The following METAP2 variants were observed in gnomAD, a reference collection of about 807,000 sequenced individuals.
The protein encoded by METAP2 is methionyl aminopeptidase 2, also known as methionine aminopeptidase 2.
A neutral mutation model predicts 59.4 loss-of-function variants in METAP2; 25 were observed. That is an observed-to-expected ratio of 0.42 (90% CI 0.31 to 0.59). The LOEUF is 0.59. Ranked by LOEUF, METAP2 falls within the 20% of genes least tolerant of loss-of-function variation. METAP2 has a pLI of 0.16. For missense variants in METAP2, 366 were observed against 581.2 expected (o/e 0.63, Z 3.81); for synonymous variants, 214 against 194.1 (o/e 1.10, Z -0.85).
At chr12:95,488,121 A>G (rs2076210952) in intron 4 of METAP2, among the ~76,000 whole-genome samples, 2 of 152,156 alleles carry the variant, frequency 1.3e-5, no homozygotes, top group Admixed American at 1.3e-4. Context: ...GATTTCGAGC[A>G]TCTTTTGATC....
intron 7 of METAP2, 114 bp from the exon 8 acceptor site, chr12:95,503,951 T>C (rs1372719929): frequency 2.8e-6 from 2 of 702,622 alleles, no homozygotes; most frequent in Non-Finnish European, 4.9e-6. Context: ...AACAGGAAGT[T>C]ACAATGTACA....
At chr12:95,477,516 T>G (rs900581777) in intron 2 of METAP2, among the ~76,000 whole-genome samples, 1 of 152,186 alleles carries the variant, frequency 6.6e-6, no homozygotes, top group Non-Finnish European at 1.5e-5. Context: ...TACAATAAGA[T>G]TTTTTTAAAG....
At chr12:95,485,818 C>CT in intron 3 of METAP2, 61 bp from the exon 4 acceptor site, 3 of 1,153,024 alleles carry the variant, frequency 2.6e-6, no homozygotes, top group Non-Finnish European at 3.6e-6. Flanking sequence ...TGAGAAAACT[C>CT]TAATAACTGC....
intron 2 of METAP2, among the ~76,000 whole-genome samples, chr12:95,481,276 T>C (rs1485557543): frequency 6.6e-6 from 1 of 152,096 alleles, no homozygotes; most frequent in Non-Finnish European, 1.5e-5. Context: ...CCAGGTATAG[T>C]GGTGCGTGCC....
intron 7 of METAP2, among the ~76,000 whole-genome samples, chr12:95,500,188 TG>T (rs1358372575): frequency 6.6e-6 from 1 of 152,214 alleles, no homozygotes; most frequent in African/African-American, 2.4e-5. Context: ...GAATTGTTTT[TG>T]TAATTTCCTT....
chr12:95,486,580 C>T (rs1220865863), intron 4 of METAP2, among the ~76,000 whole-genome samples: 1 of 151,962 alleles, frequency 6.6e-6, no homozygotes, highest in Non-Finnish European at 1.5e-5. Context: ...TCACTGCAAC[C>T]TCTGCCTCCC....
rs301039 is a variant in METAP2 at position 95,483,859 on chromosome 12, C to G, written c.325+579C>G. 5.5e-3 allele frequency among the ~76,000 whole-genome samples: 833 copies of G among 152,156 alleles called. 6 individuals are homozygous for G. Among genetic ancestry groups the G allele is most frequent in the Non-Finnish European group, 8.2e-3 (559 of 68,012 alleles). ...CTTCCAGCTTTTAAATTATGAGATT[C>G]TTGATGAGTATTTAATGAGGAATCC... On this transcript the variant is annotated intron_variant, in intron 3 of 10. Coordinates refer to ENST00000323666, the MANE Select transcript of METAP2 (RefSeq NM_006838.4).
At position 95,494,234 on chromosome 12, in the gene METAP2, T is replaced by C; in HGVS notation, c.590+17T>C. ...AGAAATCTGGTAAAAGGAATACTTC[T>C]TCGTAAGAACATGATAAAAAATGTT... On this transcript the variant is annotated intron_variant, in intron 5 of 10. Transcript: ENST00000323666. The C allele has an allele frequency of 2.5e-6, 4 of 1,604,116 alleles. No homozygotes were observed. The highest frequency in any genetic ancestry group is 3.4e-6 in the Non-Finnish European group (4 of 1,173,686).
intron 4 of METAP2, among the ~76,000 whole-genome samples, chr12:95,488,980 G>C (rs1337609584): frequency 6.6e-6 from 1 of 151,950 alleles, no homozygotes; most frequent in Non-Finnish European, 1.5e-5. Flanking sequence ...TTATCACCTT[G>C]TCTTATCCAA....
At chr12:95,483,046 G>A (rs770043468) in intron 2 of METAP2, among the ~76,000 whole-genome samples, 169 bp from the exon 3 acceptor site, 1 of 152,162 alleles carries the variant, frequency 6.6e-6, no homozygotes, top group Non-Finnish European at 1.5e-5. Context: ...ACCACACCTG[G>A]TAGCTGCTTC....
chr12:95,491,700 C>A (rs2076238734), intron 4 of METAP2, among the ~76,000 whole-genome samples: 1 of 151,866 alleles, frequency 6.6e-6, no homozygotes, highest in South Asian at 2.1e-4. Context: ...TTAGTAGAAA[C>A]AGGGTCTTTC....
intron 4 of METAP2, among the ~76,000 whole-genome samples, chr12:95,490,333 G>C (rs2076228499): frequency 7.0e-6 from 1 of 143,148 alleles, no homozygotes; most frequent in Admixed American, 7.4e-5. Flanking sequence ...TGGAATACTA[G>C]ATAATGTATA....
chr12:95,514,173 A>G lies in METAP2; in HGVS notation c.*269A>G. Reference sequence around the variant, plus strand: ...AGCTCAAATTAGTTAGGAATGACTTATACGTTTTGTTTTGAATACCTAAGA... The same window carrying G: ...AGCTCAAATTAGTTAGGAATGACTTGTACGTTTTGTTTTGAATACCTAAGA... On this transcript the variant is annotated 3_prime_UTR_variant, in exon 11 of 11. Coordinates refer to ENST00000323666, the MANE Select transcript of METAP2 (RefSeq NM_006838.4). 1 of 425,618 alleles carries G rather than the reference A, an allele frequency of 2.3e-6. No individual in the cohort carries two copies. The highest frequency in any genetic ancestry group is 4.1e-6 in the Non-Finnish European group (1 of 242,506). The allele number at this position is 425,618 out of a possible 1,614,324, so 26.4% of individuals were successfully genotyped here. A position where few individuals can be genotyped will look rare whatever the true frequency, so the allele number is the denominator to read the frequency against.
intron 7 of METAP2, among the ~76,000 whole-genome samples, chr12:95,500,007 C>T (rs966186016): frequency 4.6e-5 from 7 of 152,278 alleles, no homozygotes; most frequent in African/African-American, 1.7e-4. Context: ...GATTACAATT[C>T]GAGAGGAGAT....
chr12:95,485,978 A>T lies in METAP2; in HGVS notation c.425A>T (p.Asp142Val). Reference protein sequence around the residue: ...GQECEYPPTQDGRTAAWRTTS... With the variant: ...GQECEYPPTQVGRTAAWRTTS... The stretch of plus-strand genomic sequence containing the variant: ...GAATGCGAATACCCACCCACACAAG[A>T]TGGGTAAGGATCATCAAATCACTTC... The change falls in exon 4 of 11, where the codon GAT (aspartate) becomes GTT (valine). Residue 142 changes from aspartate to valine, a missense_variant. Transcript: ENST00000323666. 1 of 1,548,236 alleles carries T rather than the reference A, an allele frequency of 6.5e-7. No individual in the cohort carries two copies. Among genetic ancestry groups the T allele is most frequent in the Non-Finnish European group, 8.8e-7 (1 of 1,133,318 alleles).
Position 95,513,633 on chromosome 12 carries a change from T to G in METAP2, c.1185-19T>G. 1 of 1,606,666 alleles carries G rather than the reference T, an allele frequency of 6.2e-7. No individual in the cohort carries two copies. The highest frequency in any genetic ancestry group is 1.1e-5 in the South Asian group (1 of 90,122). On this transcript the variant is annotated intron_variant, in intron 10 of 10. Transcript: ENST00000323666. Reference sequence around the variant, plus strand: ...GTAACTCTTTTGCCAACAGTTAATTTTGGATTTTCTCCTCTTAGGCTTCCA... The same window carrying G: ...GTAACTCTTTTGCCAACAGTTAATTGTGGATTTTCTCCTCTTAGGCTTCCA...
At chr12:95,504,008 A>C in intron 7 of METAP2, 57 bp from the exon 8 acceptor site, 2 of 1,251,328 alleles carry the variant, frequency 1.6e-6, no homozygotes, top group South Asian at 2.6e-5. Context: ...TACAAAATTA[A>C]GTTGCTATGA....
intron 8 of METAP2, among the ~76,000 whole-genome samples, chr12:95,508,246 G>A (rs2076377103): frequency 6.6e-6 from 1 of 152,080 alleles, no homozygotes; most frequent in African/African-American, 2.4e-5. Context: ...GATTTTTAAA[G>A]GCTAGAATTT....
At position 95,502,882 on chromosome 12, in the gene METAP2, A is replaced by G. The variant is rs188423976; in HGVS notation, c.868-1183A>G. Among the ~76,000 whole-genome samples the G allele has an allele frequency of 6.0e-5, 9 of 149,118 alleles. No individual in the cohort carries two copies. The South Asian group carries it at 8.4e-4, about 14-fold the overall frequency. The stretch of plus-strand genomic sequence containing the variant: ...TTTCATTTCAGTTACTGTACTTTTC[A>G]GCTCCAGAAATTTCTTTTTCTTTTA... On this transcript the variant is annotated intron_variant, in intron 7 of 10. Transcript: ENST00000323666.
Sources: gnomAD v4.1 joint callset for allele counts (sites outside exome capture counted in the v4.1 genomes callset) on GRCh38, gnomAD v4.1.1 for gene constraint, MANE v1.5 for transcripts, NCBI Gene and HGNC (gene_info 2026-07-23, HGNC 2026-07-21) for gene names.